The following ATRNL1 variants were observed in gnomAD, a reference collection of about 807,000 sequenced individuals.
ATRNL1 encodes the protein attractin like 1.
A neutral mutation model predicts 182.7 loss-of-function variants in ATRNL1; 95 were observed. That is an observed-to-expected ratio of 0.52 (90% CI 0.44 to 0.62). ATRNL1 has a LOEUF of 0.62. Among genes scored for constraint, ATRNL1 ranks in the 20% least tolerant of loss-of-function variants. ATRNL1 has a pLI of 0.00. For missense variants in ATRNL1, 1,471 were observed against 1,679.5 expected (o/e 0.88, Z 2.17); for synonymous variants, 576 against 568.3 (o/e 1.01, Z -0.19).
chr10:115,846,159 G>A (rs1048964450), intron 27 of ATRNL1, among the ~76,000 whole-genome samples: 3 of 151,954 alleles, frequency 2.0e-5, no homozygotes, highest in African/African-American at 7.2e-5. Context: ...TTGCAACATG[G>A]CTTACAGCAT....
chr10:115,285,488 CTA>C (rs1554918441), intron 14 of ATRNL1, among the ~76,000 whole-genome samples: 3 of 152,000 alleles, frequency 2.0e-5, no homozygotes. Context: ...CAATGAAACA[CTA>C]TTATTAATTA....
intron 5 of ATRNL1, among the ~76,000 whole-genome samples, chr10:115,151,170 C>A (rs540043025): frequency 6.6e-6 from 1 of 152,040 alleles, no homozygotes; most frequent in Non-Finnish European, 1.5e-5. Flanking sequence ...TGAATAGTGC[C>A]GCAATAAACA....
chr10:115,687,917 C>A (rs1555046832), intron 26 of ATRNL1, among the ~76,000 whole-genome samples: 1 of 152,010 alleles, frequency 6.6e-6, no homozygotes, highest in Non-Finnish European at 1.5e-5. Flanking sequence ...CTTATTTTAT[C>A]TAACTGTATG....
intron 26 of ATRNL1, among the ~76,000 whole-genome samples, chr10:115,600,616 A>G (rs1286186715): frequency 2.6e-5 from 4 of 152,114 alleles, no homozygotes; most frequent in African/African-American, 7.2e-5. Flanking sequence ...CTTATATAAT[A>G]TGTTCTGGGT....
intron 21 of ATRNL1, among the ~76,000 whole-genome samples, chr10:115,458,711 G>C (rs984049723): frequency 2.0e-5 from 3 of 152,050 alleles, no homozygotes; most frequent in South Asian, 2.1e-4. Context: ...AAGTCTCCCA[G>C]TTCCTACCTC....
At chr10:115,265,020 T>C (rs1456213507) in intron 10 of ATRNL1, among the ~76,000 whole-genome samples, 173 bp from the exon 11 acceptor site, 5 of 151,734 alleles carry the variant, frequency 3.3e-5, no homozygotes, top group African/African-American at 1.2e-4. Context: ...TAATGAATAA[T>C]GTTAGTTGAG....
At chr10:115,272,633 A>G (rs192517216) in intron 13 of ATRNL1, among the ~76,000 whole-genome samples, 417 of 152,342 alleles carry the variant, frequency 2.7e-3, no homozygotes, top group Non-Finnish European at 4.3e-3. Flanking sequence ...TATTGGACCC[A>G]TAAATGCTGG....
In ATRNL1 at chr10:115,635,638, C is replaced by G. The variant is rs552707506; in HGVS notation, c.3795+86102C>G. 2.0e-5 allele frequency among the ~76,000 whole-genome samples: 3 copies of G among 152,102 alleles called. No homozygotes were observed. The South Asian group carries it at 6.2e-4, about 32-fold the overall frequency. On this transcript the variant is annotated intron_variant, in intron 26 of 28. Coordinates refer to ENST00000355044, the MANE Select transcript of ATRNL1 (RefSeq NM_207303.4). Reference sequence around the variant, plus strand: ...AGAAATTTGACTCTTAGCTACATACCCAATAGTAATGCAAACATAAGTTTG... The same window carrying G: ...AGAAATTTGACTCTTAGCTACATACGCAATAGTAATGCAAACATAAGTTTG...
chr10:115,530,412 T>G (rs533450761), intron 25 of ATRNL1, among the ~76,000 whole-genome samples: 1 of 152,166 alleles, frequency 6.6e-6, no homozygotes, highest in East Asian at 1.9e-4. Context: ...TATAGCCATC[T>G]TAGTGGGCAT....
At chr10:115,221,002 A>G (rs11197122) in intron 9 of ATRNL1, among the ~76,000 whole-genome samples, 32,260 of 152,140 alleles carry the variant, frequency 0.21, 4,354 homozygotes, top group Non-Finnish European at 0.3. Flanking sequence ...CCCAAGCCCT[A>G]TCATCATCAC....
intron 19 of ATRNL1, among the ~76,000 whole-genome samples, chr10:115,366,121 T>TA (rs1350186728): frequency 5.9e-5 from 9 of 152,106 alleles, no homozygotes; most frequent in African/African-American, 1.9e-4. Flanking sequence ...AGTGGGGTGT[T>TA]AAAGTCTCCC....
intron 19 of ATRNL1, among the ~76,000 whole-genome samples, chr10:115,358,788 A>G (rs1856612611): frequency 6.6e-6 from 1 of 151,372 alleles, no homozygotes; most frequent in Admixed American, 6.6e-5. Flanking sequence ...ATTTTCTTTG[A>G]CTCTCACATG....
chr10:115,284,562 A>G (rs1554917997), intron 14 of ATRNL1, among the ~76,000 whole-genome samples: 2 of 152,180 alleles, frequency 1.3e-5, no homozygotes, highest in African/African-American at 2.4e-5. Flanking sequence ...TTTTCATGGT[A>G]CCCAATTTAA....
chr10:115,418,384 C>T (rs1320945230), intron 20 of ATRNL1, among the ~76,000 whole-genome samples: 2 of 151,894 alleles, frequency 1.3e-5, no homozygotes, highest in Non-Finnish European at 2.9e-5. Flanking sequence ...CAAAGGTAGG[C>T]TATTTGAGAA....
chr10:115,470,463 C>A (rs533063441), intron 24 of ATRNL1, among the ~76,000 whole-genome samples: 6 of 150,412 alleles, frequency 4.0e-5, no homozygotes, highest in African/African-American at 1.5e-4. Context: ...TCCTAAGATT[C>A]ATAGAGAAAT....
chr10:115,265,240 G>A lies in ATRNL1; in HGVS notation c.1735G>A (p.Val579Ile), dbSNP rs1851559993. 4 of 1,608,736 alleles carry A rather than the reference G, an allele frequency of 2.5e-6. No individual in the cohort carries two copies. The Admixed American group carries it at 5.0e-5, about 20-fold the overall frequency. The change falls in exon 11 of 29, where the codon GTC becomes ATC. Residue 579 changes from valine to isoleucine, a missense_variant. Around this residue, in one of 3 missense-constraint regions of ATRNL1, gnomAD observed 1,031 missense variants for 1,156.0 expected, o/e 0.89. Coordinates refer to ENST00000355044, the MANE Select transcript of ATRNL1 (RefSeq NM_207303.4). ...ILPKPNLHRDVNRFGHSAVVI... is the reference protein window; with the variant it reads ...ILPKPNLHRDINRFGHSAVVI... The stretch of plus-strand genomic sequence containing the variant: ...ACCAAAACCAAATCTTCATAGAGAT[G>A]TCAACAGATTTGGACACTCTGCAGT...
intron 20 of ATRNL1, among the ~76,000 whole-genome samples, chr10:115,417,552 A>G (rs1439391995): frequency 6.6e-6 from 1 of 152,184 alleles, no homozygotes; most frequent in Non-Finnish European, 1.5e-5. Flanking sequence ...ATGTGCAACC[A>G]TCTGAGGAAT....
chr10:115,190,483 C>A (rs1486157838), intron 8 of ATRNL1, among the ~76,000 whole-genome samples: 3 of 151,932 alleles, frequency 2.0e-5, no homozygotes, highest in Non-Finnish European at 4.4e-5. Flanking sequence ...AAAAGGCAGC[C>A]ATTCTATTAC....
intron 5 of ATRNL1, among the ~76,000 whole-genome samples, chr10:115,136,672 C>A (rs1430052013): frequency 2.0e-5 from 3 of 152,182 alleles, no homozygotes; most frequent in African/African-American, 7.2e-5. Flanking sequence ...TCCCAAATAT[C>A]ATATGGTTGT....
Sources: allele counts gnomAD v4.1 joint callset (sites outside exome capture counted in the v4.1 genomes callset), GRCh38; gene constraint gnomAD v4.1.1; regional missense constraint gnomAD v4.1.1; transcripts MANE v1.5; gene names NCBI Gene and HGNC (gene_info 2026-07-23, HGNC 2026-07-21).